The following CROCC2 variants were observed in gnomAD, a reference collection of about 807,000 sequenced individuals.
The protein encoded by CROCC2 is ciliary rootlet coiled-coil, rootletin family member 2, also known as ciliary rootlet coiled-coil protein 2.
In CROCC2, 163 loss-of-function variants were observed where a neutral mutation model predicts 177.6. That is an observed-to-expected ratio of 0.92 (90% CI 0.81 to 1.05). CROCC2 has a LOEUF of 1.05. Among genes scored for constraint, CROCC2 ranks in the 50% least tolerant of loss-of-function variants. CROCC2 has a pLI of 0.00. For missense variants in CROCC2, 1,929 were observed against 1,797.8 expected (o/e 1.07, Z -1.32); for synonymous variants, 904 against 787.3 (o/e 1.15, Z -2.48).
chr2:240,937,773 A>G (rs572635639), intron 14 of CROCC2, among the ~76,000 whole-genome samples: 9 of 152,284 alleles, frequency 5.9e-5, no homozygotes, highest in African/African-American at 2.2e-4. Flanking sequence ...TCCCCACTTA[A>G]ATCTCATGTC....
chr2:240,916,084 A>G (rs1363240820), intron 1 of CROCC2, among the ~76,000 whole-genome samples: 3 of 152,124 alleles, frequency 2.0e-5, no homozygotes, highest in African/African-American at 7.2e-5. Flanking sequence ...GTGGCAGCGC[A>G]GAGTCCCTGG....
intron 20 of CROCC2, among the ~76,000 whole-genome samples, chr2:240,962,069 C>T (rs75423357): frequency 0.079 from 9,983 of 126,212 alleles, 841 homozygotes; most frequent in African/African-American, 0.2. Context: ...CACACTCACA[C>T]GCACTCACAC....
At chr2:240,947,460 C>A (rs2059530320) in intron 15 of CROCC2, among the ~76,000 whole-genome samples, 1 of 152,182 alleles carries the variant, frequency 6.6e-6, no homozygotes, top group Admixed American at 6.5e-5. Flanking sequence ...CCTGCAGGCC[C>A]CAGCATCACA....
At position 240,958,234 on chromosome 2, in the gene CROCC2, C is replaced by T. The variant is rs1272574505; in HGVS notation, c.2944-1067C>T. The T allele has an allele frequency of 3.1e-6, 3 of 968,724 alleles. No homozygotes were observed. The highest frequency in any genetic ancestry group is 3.7e-6 in the Non-Finnish European group (3 of 814,762). 60.0% of individuals were successfully genotyped at this position (968,724 alleles called of 1,614,324 possible). On this transcript the variant is annotated intron_variant, in intron 19 of 31. Coordinates refer to ENST00000690015, the MANE Select transcript of CROCC2 (RefSeq NM_001351305.2). This position sits in a 1 kb window ranked among gnomAD's most constrained non-coding sequence, Gnocchi z 6.7. ...ACTGCCATCGGGCTCCCAGCCGATG[C>T]CCTGTCCCTGAGGCCCTCACAGGGG...
Position 240,917,380 on chromosome 2 carries a change from C to A in CROCC2, c.79-1346C>A, listed in dbSNP as rs1321135633. Among the ~76,000 whole-genome samples the A allele has an allele frequency of 6.6e-6, 1 of 152,106 alleles. No individual in the cohort carries two copies. Among genetic ancestry groups the A allele is most frequent in the African/African-American group, 2.4e-5 (1 of 41,422 alleles). ...TCCGGGATAGCCAGACAGCATGCAC[C>A]AGGTGCAGGAGGCCTGGCTGGGGTT... On this transcript the variant is annotated intron_variant, in intron 1 of 31. Transcript: ENST00000690015. This position sits in a 1 kb window ranked among gnomAD's most constrained non-coding sequence, Gnocchi z 4.9.
intron 27 of CROCC2, among the ~76,000 whole-genome samples, chr2:240,971,129 G>GTGCCTCACA (rs1553543376): frequency 8.5e-5 from 13 of 152,110 alleles, no homozygotes; most frequent in African/African-American, 3.1e-4. Context: ...TGCACCCCAC[G>GTGCCTCACA]CCCCCCATCT....
At chr2:240,934,497 C>T (rs2059454852) in intron 12 of CROCC2, 22 bp downstream of exon 12, 1 of 1,542,326 alleles carries the variant, frequency 6.5e-7, no homozygotes, top group African/African-American at 1.4e-5. Flanking sequence ...TCCCCACAAC[C>T]CCGCCCCCTC....
chr2:240,933,334 C>A lies in CROCC2; in HGVS notation c.1455C>A (p.Leu485=), dbSNP rs192576209. ...AGCAGTGCCGGGCATCCTGCAAGCTCCTGGGGAGGTAATGGGGTGAAGGGG... is the reference window on the plus strand; with the variant it reads ...AGCAGTGCCGGGCATCCTGCAAGCTACTGGGGAGGTAATGGGGTGAAGGGG... ...EVQQCRASCK[L]LGREKAALEM... The change falls in exon 10 of 32, where the codon CTC becomes CTA. Residue 485 remains leucine, a synonymous_variant. Transcript: ENST00000690015. The A allele has an allele frequency of 5.9e-6, 9 of 1,521,110 alleles. No individual in the cohort carries two copies. In the Admixed American group the frequency reaches 1.4e-4, roughly 24 times the overall value. 94.2% of individuals were successfully genotyped at this position (1,521,110 alleles called of 1,614,324 possible). A position where few individuals can be genotyped will look rare whatever the true frequency, so the allele number is the denominator to read the frequency against.
intron 31 of CROCC2, among the ~76,000 whole-genome samples, chr2:240,991,812 G>A (rs772256359): frequency 6.6e-6 from 1 of 152,218 alleles, no homozygotes; most frequent in Non-Finnish European, 1.5e-5. Context: ...CCTCAGCTCT[G>A]TAAACACGGG....
intron 27 of CROCC2, among the ~76,000 whole-genome samples, chr2:240,974,411 G>A (rs749113457): frequency 6.7e-6 from 1 of 148,386 alleles, no homozygotes; most frequent in Non-Finnish European, 1.5e-5. Context: ...GCATGATTTC[G>A]GCTCACTGCA....
rs534250065 is a variant in CROCC2, at chr2:240,982,982, G to C, written c.4504G>C (p.Glu1502Gln). The change falls in exon 28 of 32, where the codon GAG (glutamate) becomes CAG (glutamine). Residue 1502 changes from glutamate to glutamine, a missense_variant. By Grantham distance (29) the Glu-to-Gln change is conservative. This residue lies in a region of CROCC2 where 388 missense variants were observed against 352.7 expected (regional missense o/e 1.10). Coordinates refer to ENST00000690015, the MANE Select transcript of CROCC2 (RefSeq NM_001351305.2). The surrounding 1 kb of genome is among the most constrained non-coding windows in gnomAD (Gnocchi z 4.7). Reference sequence around the variant, plus strand: ...GCTGGAAGAACAGCTCACCAACTTGGAGCACAGGTGCCAGAAGGCTGAGGT... The same window carrying C: ...GCTGGAAGAACAGCTCACCAACTTGCAGCACAGGTGCCAGAAGGCTGAGGT... ...KLLEEQLTNL[E>Q]HRCQKAEVSL... is the part of the protein sequence containing the mutation. The C allele has an allele frequency of 2.1e-5, 32 of 1,550,388 alleles. No individual in the cohort carries two copies. In the East Asian group the frequency reaches 5.1e-4, roughly 25 times the overall value.
At chr2:240,919,779 G>A (rs546573295) in intron 2 of CROCC2, among the ~76,000 whole-genome samples, 4 of 152,332 alleles carry the variant, frequency 2.6e-5, no homozygotes, top group Admixed American at 2.6e-4. Flanking sequence ...GTTAACATGA[G>A]AGGAAGTGGG....
intron 31 of CROCC2, 61 bp downstream of exon 31, chr2:240,991,339 C>A: frequency 1.4e-6 from 2 of 1,453,056 alleles, no homozygotes; most frequent in South Asian, 1.3e-5. Context: ...TGGCCAGGGG[C>A]AGGCGGCCCT....
At chr2:240,930,874 G>A (rs1165379268) in intron 6 of CROCC2, 57 bp from the exon 7 acceptor site, 1 of 651,496 alleles carries the variant, frequency 1.5e-6, no homozygotes, top group Non-Finnish European at 2.8e-6. Flanking sequence ...ATGGGACCAG[G>A]CCCTCCCTCT....
chr2:240,983,632 C>G, intron 28 of CROCC2: 1 of 1,283,548 alleles, frequency 7.8e-7, no homozygotes, highest in Non-Finnish European at 1.0e-6. Flanking sequence ...GGCTGGGGTC[C>G]GCAGGGGCGC....
In CROCC2 at chr2:240,949,080, C is replaced by T. The variant is rs917550433; in HGVS notation, c.2465C>T (p.Ala822Val). 2.4e-5 allele frequency: 37 copies of T among 1,544,466 alleles called. 1 individual carries two copies. The South Asian group carries it at 2.5e-4, about 11-fold the overall frequency. ...LEEEARSAGL[A>V]RQALQVEMEQ... ...GAGGAAGCCCGGAGCGCAGGACTCG[C>T]GCGGCAGGCCTTGCAAGGTGCTCCA... Residue 822 changes from alanine to valine, a missense_variant, in exon 16 of 32, where the codon GCG (alanine) becomes GTG (valine). Coordinates refer to ENST00000690015, the MANE Select transcript of CROCC2 (RefSeq NM_001351305.2). The surrounding 1 kb of genome is among the most constrained non-coding windows in gnomAD (Gnocchi z 4.5).
Position 240,940,628 on chromosome 2 carries a change from G to A in CROCC2, c.2169+5040G>A, listed in dbSNP as rs540185714. ...TCATCTCAATAGACGCAGAAAAAGCGTTTGACAAAATCCAGCATCCCTTTA... is the reference window on the plus strand; with the variant it reads ...TCATCTCAATAGACGCAGAAAAAGCATTTGACAAAATCCAGCATCCCTTTA... On this transcript the variant is annotated intron_variant, in intron 14 of 31. Transcript: ENST00000690015. 9.2e-5 allele frequency among the ~76,000 whole-genome samples: 14 copies of A among 151,990 alleles called. No individual in the cohort carries two copies. In the East Asian group the frequency reaches 2.1e-3, roughly 23 times the overall value.
chr2:240,920,066 G>A lies in CROCC2; in HGVS notation c.313G>A (p.Asp105Asn), dbSNP rs1305173348. The change falls in exon 3 of 32, where the codon GAC becomes AAC. Residue 105 changes from aspartate to asparagine, a missense_variant. Coordinates refer to ENST00000690015, the MANE Select transcript of CROCC2 (RefSeq NM_001351305.2). The stretch of plus-strand genomic sequence containing the variant: ...GCAGGAGGAGCTGACCCGGCTGGGG[G>A]ACCTGCTGGCCCAGGCCAGCGCCGA... ...LLQEELTRLG[D>N]LLAQASAERD... is the part of the protein sequence containing the mutation. The A allele has an allele frequency of 1.4e-6, 1 of 715,476 alleles. No homozygotes were observed. Among genetic ancestry groups the A allele is most frequent in the Non-Finnish European group, 2.6e-6 (1 of 384,782 alleles). 44.3% of individuals were successfully genotyped at this position (715,476 alleles called of 1,614,324 possible).
At position 240,973,525 on chromosome 2, in the gene CROCC2, A is replaced by C. The variant is rs11898832; in HGVS notation, c.4401+5263A>C. 0.13 allele frequency among the ~76,000 whole-genome samples: 19,049 copies of C among 150,828 alleles called. 1,445 individuals are homozygous for C. The highest frequency in any genetic ancestry group is 0.2 in the African/African-American group (8,065 of 40,974). ...ACTCTTGCCCAGGCCTCCTTCCCCC[A>C]CTGTGCCCACGTGCCACACCCACCC... On this transcript the variant is annotated intron_variant, in intron 27 of 31. Coordinates refer to ENST00000690015, the MANE Select transcript of CROCC2 (RefSeq NM_001351305.2). The surrounding 1 kb of genome is among the most constrained non-coding windows in gnomAD (Gnocchi z 4.7).
Sources: gnomAD v4.1 joint callset for allele counts (sites outside exome capture counted in the v4.1 genomes callset) on GRCh38, gnomAD v4.1.1 for gene constraint, gnomAD v4.1.1 regional missense constraint, Gnocchi (gnomAD v3.1) non-coding constraint, MANE v1.5 for transcripts, NCBI Gene and HGNC (gene_info 2026-07-23, HGNC 2026-07-21) for gene names.